Variants in KAZN observed in about 807,000 individuals in gnomAD.
The protein encoded by KAZN is kazrin.
Under a neutral mutation model 87.4 loss-of-function variants are expected in KAZN, and 40 were observed. The observed-to-expected ratio is 0.46, with a 90% confidence interval of 0.36 to 0.60. KAZN has a LOEUF of 0.60. KAZN is among the 20% of genes least tolerant of loss of function. The pLI is 0.00. For missense variants in KAZN, 898 were observed against 1,073.9 expected, an observed-to-expected ratio of 0.84 and a Z score of 2.29; for synonymous variants, 466 against 458.3, an observed-to-expected ratio of 1.02 and a Z score of -0.22.
chr1:14,417,077 A>C (rs1248624003), intron 2 of KAZN, among the ~76,000 whole-genome samples: 1 of 151,714 alleles, frequency 6.6e-6, no homozygotes, highest in Non-Finnish European at 1.5e-5. Context: ...CTGTGGTCCC[A>C]GCTACTCAGG....
At chr1:14,642,140 CT>C (rs1680450024) in intron 1 of KAZN, among the ~76,000 whole-genome samples, 1 of 152,206 alleles carries the variant, frequency 6.6e-6, no homozygotes, top group African/African-American at 2.4e-5. Context: ...TGGCTTAAGC[CT>C]GTAATCCCAG....
intron 1 of KAZN, among the ~76,000 whole-genome samples, chr1:14,641,173 T>C (rs1680381354): frequency 6.6e-6 from 1 of 152,110 alleles, no homozygotes; most frequent in South Asian, 2.1e-4. Context: ...TCTCAAACCA[T>C]ATGATTTTAT....
intron 1 of KAZN, among the ~76,000 whole-genome samples, chr1:14,722,376 T>G (rs1412317998): frequency 2.0e-5 from 3 of 152,194 alleles, no homozygotes; most frequent in African/African-American, 7.2e-5. Flanking sequence ...CATTCTCAGG[T>G]CATTAAGTTA....
chr1:14,914,184 A>G (rs984089355), intron 1 of KAZN, among the ~76,000 whole-genome samples: 3 of 152,070 alleles, frequency 2.0e-5, no homozygotes, highest in African/African-American at 7.2e-5. Flanking sequence ...AAGAATTTGC[A>G]TTTCTCCTCC....
chr1:14,264,757 A>G (rs956707568), intron 2 of KAZN, among the ~76,000 whole-genome samples: 1 of 152,232 alleles, frequency 6.6e-6, no homozygotes. Context: ...ACAGTGGATT[A>G]AGTACCTTTC....
intron 1 of KAZN, among the ~76,000 whole-genome samples, chr1:14,021,809 T>C (rs978336392): frequency 2.6e-5 from 4 of 152,166 alleles, no homozygotes; most frequent in African/African-American, 9.7e-5. Context: ...CTCTTTATGT[T>C]CCCTGGGGAA....
intron 1 of KAZN, among the ~76,000 whole-genome samples, chr1:14,614,918 C>G (rs749519894): frequency 5.9e-5 from 9 of 152,190 alleles, no homozygotes; most frequent in Admixed American, 5.9e-4. Flanking sequence ...CTCGGTGAGG[C>G]GGGCAAGTTG....
Position 14,031,441 on chromosome 1 carries a change from G to A in KAZN, c.91+137685G>A, listed in dbSNP as rs113316420. ...CGGGCAACCAGCACTGATTTAATTCGTTGCTCCATGTAGACAGAGAATGGT... is the reference window on the plus strand; with the variant it reads ...CGGGCAACCAGCACTGATTTAATTCATTGCTCCATGTAGACAGAGAATGGT... On this transcript the variant is annotated intron_variant, in intron 1 of 16. Coordinates refer to the KAZN transcript ENST00000636203. 5.0e-3 allele frequency among the ~76,000 whole-genome samples: 766 copies of A among 152,284 alleles called. 5 individuals are homozygous for A. The highest frequency in any genetic ancestry group is 0.017 in the African/African-American group (726 of 41,568).
chr1:14,332,280 AGT>A (rs1656908855), intron 2 of KAZN, among the ~76,000 whole-genome samples: 1 of 152,126 alleles, frequency 6.6e-6, no homozygotes, highest in Admixed American at 6.6e-5. Context: ...TGTTGGGCAG[AGT>A]GTATTCTCAG....
intron 4 of KAZN, among the ~76,000 whole-genome samples, chr1:15,052,976 T>C (rs1382243744): frequency 6.6e-6 from 1 of 152,156 alleles, no homozygotes; most frequent in Non-Finnish European, 1.5e-5. Flanking sequence ...CTCCTTCCCG[T>C]GCTCCCTCCA....
intron 2 of KAZN, among the ~76,000 whole-genome samples, chr1:14,517,467 T>C (rs1239635001): frequency 1.3e-5 from 2 of 152,188 alleles, no homozygotes; most frequent in Non-Finnish European, 2.9e-5. Context: ...AAATCCCTTG[T>C]TCTAACTTAC....
chr1:15,072,981 G>A (rs1178692004), intron 8 of KAZN, among the ~76,000 whole-genome samples: 11 of 152,134 alleles, frequency 7.2e-5, no homozygotes, highest in Non-Finnish European at 1.6e-4. Flanking sequence ...GCAAAATATG[G>A]GGTTTGCAAA....
At chr1:14,487,089 C>T (rs921565093) in intron 2 of KAZN, among the ~76,000 whole-genome samples, 1 of 152,144 alleles carries the variant, frequency 6.6e-6, no homozygotes, top group African/African-American at 2.4e-5. Flanking sequence ...TCTTTCCTGG[C>T]ACGTTAGGAC....
At chr1:14,151,990 T>C (rs950844453) in intron 1 of KAZN, among the ~76,000 whole-genome samples, 1 of 152,252 alleles carries the variant, frequency 6.6e-6, no homozygotes, top group Non-Finnish European at 1.5e-5. Flanking sequence ...TTAAGTTCTC[T>C]AATAAAGTTT....
chr1:14,184,611 TTTCTC>T lies in KAZN; in HGVS notation c.249+4022_249+4026del, dbSNP rs1450099673. On this transcript the variant is annotated intron_variant, in intron 2 of 16. Coordinates refer to the KAZN transcript ENST00000636203. The surrounding 1 kb of genome is among the most constrained non-coding windows in gnomAD (Gnocchi z 4.2). ...AGGATTTGGGTGGCTTCGTTTTTCTTTTCTCTTTTTAAAAGAGCTGTCTAGCAAAC... is the reference window on the plus strand; with the variant it reads ...AGGATTTGGGTGGCTTCGTTTTTCTTTTTTTAAAAGAGCTGTCTAGCAAAC... 8.5e-5 allele frequency among the ~76,000 whole-genome samples: 13 copies of T among 152,288 alleles called. No homozygotes were observed. The East Asian group carries it at 1.9e-3, about 23-fold the overall frequency.
At chr1:14,387,408 G>A (rs1662016139) in intron 2 of KAZN, among the ~76,000 whole-genome samples, 2 of 152,262 alleles carry the variant, frequency 1.3e-5, no homozygotes, top group Admixed American at 6.5e-5. Context: ...AGAGTTTCCA[G>A]TTTTTCTGCT....
chr1:14,139,821 A>G (rs6696014), intron 1 of KAZN, among the ~76,000 whole-genome samples: 84,664 of 152,070 alleles, frequency 0.56, 24,977 homozygotes, highest in East Asian at 0.72. Flanking sequence ...TGAAAGGATC[A>G]GGTCAGATTT....
intron 1 of KAZN, among the ~76,000 whole-genome samples, chr1:14,954,276 T>C (rs1045187399): frequency 6.6e-6 from 1 of 152,228 alleles, no homozygotes; most frequent in Non-Finnish European, 1.5e-5. Flanking sequence ...GCCCCTCTAC[T>C]TAGAGGCCTG....
chr1:14,267,575 T>C (rs1385926375), intron 2 of KAZN, among the ~76,000 whole-genome samples: 1 of 152,084 alleles, frequency 6.6e-6, no homozygotes, highest in Non-Finnish European at 1.5e-5. Context: ...GATTTTAGTG[T>C]CCAAGGGAGG....
Sources: gnomAD v4.1 joint callset for allele counts (sites outside exome capture counted in the v4.1 genomes callset) on GRCh38, gnomAD v4.1.1 for gene constraint, Gnocchi (gnomAD v3.1) non-coding constraint, MANE v1.5 for transcripts, NCBI Gene and HGNC (gene_info 2026-07-23, HGNC 2026-07-21) for gene names.